MYH7: variants seen among roughly 807,000 people sequenced by gnomAD.
MYH7 encodes the protein myosin heavy chain 7.
Under a neutral mutation model 225.4 loss-of-function variants are expected in MYH7, and 129 were observed. The observed-to-expected ratio is 0.57, with a 90% CI of 0.50 to 0.66. The LOEUF (loss-of-function observed/expected upper bound fraction) is 0.66, where lower values mean the gene tolerates loss of function less well. Among genes scored for constraint, MYH7 ranks in the 30% least tolerant of loss-of-function variants. The pLI is 0.00. For missense variants in MYH7, 1,649 were observed against 2,517.0 expected, an observed-to-expected ratio of 0.66 and a Z score of 7.38; for synonymous variants, 971 against 1,007.6, an observed-to-expected ratio of 0.96 and a Z score of 0.69.
Position 23,417,321 on chromosome 14 carries a change from G to T in MYH7, c.4354-3C>A. ...TTCTGCTTCCACTCGGCCAGGATCTGCCCGGGGACAAGGCTCACTCTTCAG... is the reference window on the plus strand; with the variant it reads ...TTCTGCTTCCACTCGGCCAGGATCTTCCCGGGGACAAGGCTCACTCTTCAG... On this transcript the variant is annotated splice_region_variant and splice_polypyrimidine_tract_variant and intron_variant, in intron 31 of 39. Transcript: ENST00000355349. 1 of 1,613,574 alleles carries T rather than the reference G, an allele frequency of 6.2e-7. No homozygotes were observed. The highest frequency in any genetic ancestry group is 8.5e-7 in the Non-Finnish European group (1 of 1,180,020).
Position 23,431,755 on chromosome 14 carries a change from G to A in MYH7, c.639+6C>T, listed in dbSNP as rs1446148067. 1 of 1,614,196 alleles carries A rather than the reference G, an allele frequency of 6.2e-7. No homozygotes were observed. Among genetic ancestry groups the A allele is most frequent in the Non-Finnish European group, 8.5e-7 (1 of 1,179,990 alleles). ...GGTACAGGACCTTGGAGGGCAGCAG[G>A]CCTACCTTGCCCGGGCTCTGGTCCT... On this transcript the variant is annotated splice_donor_region_variant and intron_variant, in intron 7 of 39. Transcript: ENST00000355349.
In MYH7 at chr14:23,425,162, A is replaced by G; in HGVS notation, c.2423+120T>C. On this transcript the variant is annotated intron_variant, in intron 21 of 39. Transcript: ENST00000355349. This position sits in a 1 kb window ranked among gnomAD's most constrained non-coding sequence, Gnocchi z 4.6. The stretch of plus-strand genomic sequence containing the variant: ...CTGACCCTGTGACTGCAGTGTGTTC[A>G]TATGAGCCCCTCCTGCAGGTCTCTG... 1 of 1,597,178 alleles carries G rather than the reference A, an allele frequency of 6.3e-7. No homozygotes were observed. The highest frequency in any genetic ancestry group is 2.2e-5 in the East Asian group (1 of 44,790).
rs1398810841 is a variant in MYH7 at position 23,416,964 on chromosome 14, C to G, written c.4548G>C (p.Leu1516Phe). 4 of 1,614,238 alleles carry G rather than the reference C, an allele frequency of 2.5e-6. No homozygotes were observed. The South Asian group carries it at 3.3e-5, about 13-fold the overall frequency. Residue 1516 changes from leucine (L) to phenylalanine (F), a missense_variant, in exon 33 of 40, where the codon TTG (leucine) becomes TTC (phenylalanine). Physicochemically the swap from Leu to Phe is conservative, Grantham distance 22. Coordinates refer to ENST00000355349, the MANE Select transcript of MYH7 (RefSeq NM_000257.4). The stretch of plus-strand genomic sequence containing the variant: ...CATGGATAGTCTTTCCGCTGGAACC[C>G]AACTGCTCAGTCAAGTCGGAGATCT... ...QEEISDLTEQ[L>F]GSSGKTIHEL...
chr14:23,427,986 C>T lies in MYH7; in HGVS notation c.1579-92G>A, dbSNP rs531894964. 9.2e-6 allele frequency: 14 copies of T among 1,515,958 alleles called. No individual in the cohort carries two copies. The East Asian group carries it at 2.5e-4, about 27-fold the overall frequency. The allele number at this position is 1,515,958 out of a possible 1,614,324, so 93.9% of individuals were successfully genotyped here. On this transcript the variant is annotated intron_variant, in intron 15 of 39. Coordinates refer to ENST00000355349, the MANE Select transcript of MYH7 (RefSeq NM_000257.4). ...GTCAATATACTTGCTCGTGGAGGTGCCATGTTGGGTGTTAAGGTAGTAGGC... is the reference window on the plus strand; with the variant it reads ...GTCAATATACTTGCTCGTGGAGGTGTCATGTTGGGTGTTAAGGTAGTAGGC...
chr14:23,429,558 T>C (rs1485874146), intron 12 of MYH7, among the ~76,000 whole-genome samples: 3 of 151,174 alleles, frequency 2.0e-5, no homozygotes, highest in Admixed American at 2.0e-4. Context: ...TGCCTGTAAT[T>C]CCAGCTACTC....
rs1355016984 is a variant in MYH7, at chr14:23,417,089, G to T, written c.4519+64C>A. On this transcript the variant is annotated intron_variant, in intron 32 of 39. Coordinates refer to ENST00000355349, the MANE Select transcript of MYH7 (RefSeq NM_000257.4). The stretch of plus-strand genomic sequence containing the variant: ...GCCCAGACGCCTCTTGGAGCCCTTG[G>T]GTGGCACCATATGGGAACACTGCCA... The T allele has an allele frequency of 1.2e-5, 20 of 1,613,814 alleles. 1 individual carries two copies. The Middle Eastern group carries it at 8.2e-4, about 66-fold the overall frequency.
At chr14:23,429,731 C>A in intron 12 of MYH7, 44 bp downstream of exon 12, 1 of 1,609,356 alleles carries the variant, frequency 6.2e-7, no homozygotes, top group Non-Finnish European at 8.5e-7. Flanking sequence ...CAGACATGGC[C>A]CTCCATGACT....
In MYH7 at chr14:23,419,837, G is replaced by C. The variant is rs753055008; in HGVS notation, c.3726+8C>G. On this transcript the variant is annotated splice_region_variant and intron_variant, in intron 27 of 39. Transcript: ENST00000355349. ...AAGTTGGAGGAGGGGAGGCCGAGCAGAGCCTGCCTTGGCCTTGATGATCTG... is the reference window on the plus strand; with the variant it reads ...AAGTTGGAGGAGGGGAGGCCGAGCACAGCCTGCCTTGGCCTTGATGATCTG... The C allele has an allele frequency of 6.2e-7, 1 of 1,614,004 alleles. No individual in the cohort carries two copies. Among genetic ancestry groups the C allele is most frequent in the Non-Finnish European group, 8.5e-7 (1 of 1,179,898 alleles).
At chr14:23,418,063 GAGA>G (rs1243236814) in intron 30 of MYH7, 144 bp downstream of exon 30, 2 of 1,213,652 alleles carry the variant, frequency 1.6e-6, no homozygotes, top group Non-Finnish European at 2.5e-6. Context: ...TCCCTGAGAG[GAGA>G]AGGAGGTGGG....
rs201467368 is a variant in MYH7 at position 23,430,643 on chromosome 14, T to C, written c.916A>G (p.Asn306Asp). The C allele has an allele frequency of 6.2e-7, 1 of 1,614,020 alleles. No homozygotes were observed. The highest frequency in any genetic ancestry group is 1.7e-5 in the Admixed American group (1 of 60,004). ...GAGATGAATGCATAATCGTAGGGGT[T>C]GTTGGTGATCAGCAGCATGTCTAGG... ...ELLDMLLITN[N>D]PYDYAFISQG... Residue 306 changes from asparagine (N) to aspartate (D), a missense_variant, in exon 11 of 40, where the codon AAC becomes GAC. By Grantham distance (23) the Asn-to-Asp change is conservative. Around this residue, in one of 12 missense-constraint regions of MYH7, gnomAD observed 131 missense variants for 231.3 expected, o/e 0.57. Transcript: ENST00000355349.
At chr14:23,430,856 G>C in intron 10 of MYH7, 45 bp downstream of exon 10, 2 of 1,469,470 alleles carry the variant, frequency 1.4e-6, no homozygotes, top group Non-Finnish European at 1.9e-6. Context: ...GAGGGGACCA[G>C]GTTGCCATGG....
chr14:23,422,610 C>CTCCT (rs1200838274), intron 24 of MYH7, among the ~76,000 whole-genome samples: 3 of 124,334 alleles, frequency 2.4e-5, no homozygotes, highest in South Asian at 2.4e-4. Flanking sequence ...CTTTCTTTCT[C>CTCCT]TCCTTCCTTC....
At chr14:23,428,831 C>A (rs1043483915) in intron 14 of MYH7, 124 bp downstream of exon 14, 2 of 1,577,838 alleles carry the variant, frequency 1.3e-6, no homozygotes, top group East Asian at 4.6e-5. Flanking sequence ...AAATGACTGC[C>A]TCTGTCACCA....
chr14:23,435,077 G>A (rs1047504955), intron 1 of MYH7, among the ~76,000 whole-genome samples: 2 of 152,098 alleles, frequency 1.3e-5, no homozygotes, highest in Non-Finnish European at 2.9e-5. Flanking sequence ...CCGTGCCTGT[G>A]AGTTCCTTCT....
chr14:23,430,981 C>G lies in MYH7; in HGVS notation c.815G>C (p.Arg272Thr), dbSNP rs1555338578. ...CTCTGCTTTCAGCTGGAAAATAACT[C>G]TGGATTTTTCCAGAAGATCTGTGAA... ...DIETYLLEKS[R>T]VIFQLKAERD... is the part of the protein sequence containing the mutation. Residue 272 changes from arginine to threonine, a missense_variant, in exon 10 of 40, where the codon AGA becomes ACA. By Grantham distance (71) the Arg-to-Thr change is moderately conservative. This residue lies in a region of MYH7 where 131 missense variants were observed against 231.3 expected (regional missense o/e 0.57). Transcript: ENST00000355349. The G allele has an allele frequency of 6.2e-7, 1 of 1,613,290 alleles. No homozygotes were observed. The highest frequency in any genetic ancestry group is 8.5e-7 in the Non-Finnish European group (1 of 1,179,270).
At chr14:23,421,190 G>A in intron 25 of MYH7, 142 bp from the exon 26 acceptor site, 1 of 701,592 alleles carries the variant, frequency 1.4e-6, no homozygotes, top group African/African-American at 1.8e-5. Context: ...TAGGATCCCT[G>A]GAAGTGTAAC....
In MYH7 at chr14:23,418,248, C is replaced by A. The variant is rs369420587; in HGVS notation, c.4131G>T (p.Thr1377=). 4.3e-6 allele frequency: 7 copies of A among 1,613,562 alleles called. No individual in the cohort carries two copies. In the African/African-American group the frequency reaches 9.3e-5, roughly 22 times the overall value. The change falls in exon 30 of 40, where the codon ACG becomes ACT. Residue 1377 remains threonine (T), a synonymous_variant. Coordinates refer to ENST00000355349, the MANE Select transcript of MYH7 (RefSeq NM_000257.4). ...EVAQWRTKYE[T]DAIQRTEELE... is the part of the protein sequence containing the mutation. ...GCTCCTCAGTCCGCTGAATGGCGTC[C>A]GTCTCATACTTGGTCCTCCACTGGG...
intron 31 of MYH7, 90 bp downstream of exon 31, chr14:23,417,413 C>G (rs1403886230): frequency 6.2e-7 from 1 of 1,611,588 alleles, no homozygotes; most frequent in Admixed American, 1.7e-5. Flanking sequence ...CCTCCTCCCC[C>G]ACCTCCAAGG....
rs868512523 is a variant in MYH7, at chr14:23,426,802, G to A, written c.2019C>T (p.Ile673=). 1.2e-6 allele frequency: 2 copies of A among 1,614,196 alleles called. No individual in the cohort carries two copies. Among genetic ancestry groups the A allele is most frequent in the Non-Finnish European group, 1.7e-6 (2 of 1,180,042 alleles). ...RSTHPHFVRC[I]IPNETKSPGV... ...CTGGAGACTTTGTCTCATTAGGGATGATACAACGTACAAAGTGGGGATGGG... is the reference window on the plus strand; with the variant it reads ...CTGGAGACTTTGTCTCATTAGGGATAATACAACGTACAAAGTGGGGATGGG... Residue 673 remains isoleucine (I), a synonymous_variant, in exon 18 of 40, where the codon ATC becomes ATT. Transcript: ENST00000355349.
Sources: gnomAD v4.1 joint callset for allele counts (sites outside exome capture counted in the v4.1 genomes callset) on GRCh38, gnomAD v4.1.1 for gene constraint, gnomAD v4.1.1 regional missense constraint, Gnocchi (gnomAD v3.1) non-coding constraint, MANE v1.5 for transcripts, NCBI Gene and HGNC (gene_info 2026-07-23, HGNC 2026-07-21) for gene names.